The following STX4 variants were observed in gnomAD, a reference collection of about 807,000 sequenced individuals.
The protein encoded by STX4 is syntaxin 4.
In STX4, 24 loss-of-function variants were observed where a neutral mutation model predicts 41.8. The observed-to-expected ratio is 0.57, with a 90% CI of 0.42 to 0.81. The LOEUF (loss-of-function observed/expected upper bound fraction) is 0.81. Ranked by LOEUF, STX4 falls within the 30% of genes least tolerant of loss-of-function variation. STX4 has a pLI of 0.00. For synonymous variants in STX4, 158 were observed against 156.4 expected (o/e 1.01, Z -0.08); for missense variants, 316 against 389.9 (o/e 0.81, Z 1.60).
Position 31,033,609 on chromosome 16 carries a change from G to A in STX4, c.-197G>A. The A allele has an allele frequency of 6.7e-7, 1 of 1,497,450 alleles. No homozygotes were observed. The highest frequency in any genetic ancestry group is 1.3e-5 in the South Asian group (1 of 76,686). 92.8% of individuals were successfully genotyped at this position (1,497,450 alleles called of 1,614,324 possible). On this transcript the variant is annotated 5_prime_UTR_variant, in exon 1 of 11. Coordinates refer to ENST00000313843, the MANE Select transcript of STX4 (RefSeq NM_004604.5). The surrounding 1 kb of genome is among the most constrained non-coding windows in gnomAD (Gnocchi z 5.5). The stretch of plus-strand genomic sequence containing the variant: ...GAAGAAAAGGGAATTCCAACCTGTG[G>A]AACCTTGGGGGGTCCCCGGGGTCGG...
rs749918866 is a variant in STX4, at chr16:31,034,469, G to T, written c.240G>T (p.Lys80Asn). The T allele has an allele frequency of 6.9e-6, 11 of 1,603,404 alleles. No homozygotes were observed. The South Asian group carries it at 1.2e-4, about 18-fold the overall frequency. The stretch of plus-strand genomic sequence containing the variant: ...TGGCCTTCTCTTATTCAGGCATGAA[G>T]CAGGAGCTGCAGAACCTGCGCGATG... ...LATPLPEESM[K>N]QELQNLRDEI... Residue 80 changes from lysine (K) to asparagine (N), a missense_variant, in exon 4 of 11, where the codon AAG becomes AAT. Coordinates refer to ENST00000313843, the MANE Select transcript of STX4 (RefSeq NM_004604.5).
rs2056828989 is a variant in STX4, at chr16:31,039,633, C to G, written c.795C>G (p.Asn265Lys). 1 of 1,614,028 alleles carries G rather than the reference C, an allele frequency of 6.2e-7. No individual in the cohort carries two copies. The highest frequency in any genetic ancestry group is 8.5e-7 in the Non-Finnish European group (1 of 1,180,028). The change falls in exon 9 of 11, where the codon AAC becomes AAG. Residue 265 changes from asparagine (N) to lysine (K), a missense_variant. Asn to Lys is a moderately conservative substitution (Grantham distance 94, BLOSUM62 0). Transcript: ENST00000313843. This position sits in a 1 kb window ranked among gnomAD's most constrained non-coding sequence, Gnocchi z 4.1. ...AGCACGTCAAGACGGCCCTGGAGAA[C>G]CAGAAGAAGGCGAGGAAGGTGAGCC... ...GQEHVKTALE[N>K]QKKARKKKVL... is the part of the protein sequence containing the mutation.
rs146646010 is a variant in STX4, at chr16:31,038,464, G to C, written c.565-46G>C. 8.7e-6 allele frequency: 14 copies of C among 1,606,410 alleles called. No individual in the cohort carries two copies. In the Admixed American group the frequency reaches 2.2e-4, roughly 25 times the overall value. ...GCTCAACAGGAGTTTCTGACCTGCT[G>C]TCGGTCTCCCTGTGAACAGTTGCCC... On this transcript the variant is annotated intron_variant, in intron 7 of 10. Transcript: ENST00000313843.
At chr16:31,038,711 AC>A in intron 8 of STX4, 64 bp downstream of exon 8, 2 of 1,585,714 alleles carry the variant, frequency 1.3e-6, no homozygotes, top group Non-Finnish European at 1.7e-6. Context: ...GCCTCCCGCC[AC>A]CCTTAGATTC....
At position 31,039,237 on chromosome 16, in the gene STX4, T is replaced by C; in HGVS notation, c.703-304T>C. On this transcript the variant is annotated intron_variant, in intron 8 of 10. Transcript: ENST00000313843. The surrounding 1 kb of genome is among the most constrained non-coding windows in gnomAD (Gnocchi z 4.1). Reference sequence around the variant, plus strand: ...AGATAGGCCTGGAAGAATGGGTAAATTCAGACAGATTTGTGAAGGCACAGT... The same window carrying C: ...AGATAGGCCTGGAAGAATGGGTAAACTCAGACAGATTTGTGAAGGCACAGT... 1 of 355,970 alleles carries C rather than the reference T, an allele frequency of 2.8e-6. No homozygotes were observed. The highest frequency in any genetic ancestry group is 5.3e-6 in the Non-Finnish European group (1 of 190,408). 22.1% of individuals were successfully genotyped at this position (355,970 alleles called of 1,614,324 possible).
In STX4 at chr16:31,037,985, C is replaced by G. The variant is rs111395660; in HGVS notation, c.438C>G (p.Ser146=). ...ELINKCNSMQ[S]EYREKNVERI... is the part of the protein sequence containing the mutation. ...TCAACAAGTGCAATTCAATGCAGTC[C>G]GAATACCGGGAGAAGAACGTGGAGC... Residue 146 remains serine, a synonymous_variant, in exon 6 of 11, where the codon TCC becomes TCG. Transcript: ENST00000313843. 4.8e-5 allele frequency: 78 copies of G among 1,614,094 alleles called. 1 individual carries two copies. Among genetic ancestry groups the G allele is most frequent in the African/African-American group, 4.5e-4 (34 of 75,012 alleles).
upstream of STX4, chr16:31,033,337 G>A (rs1184724086): frequency 4.3e-5 from 34 of 787,176 alleles, no homozygotes; most frequent in Non-Finnish European, 6.9e-5. The surrounding 1 kb of genome is among the most constrained non-coding windows in gnomAD (Gnocchi z 5.5). Flanking sequence ...TGTGAGATGC[G>A]GGTGTCTCGG....
rs1489288806 is a variant in STX4, at chr16:31,033,737, C to G, written c.-69C>G. On this transcript the variant is annotated 5_prime_UTR_variant, in exon 1 of 11. Transcript: ENST00000313843. This position sits in a 1 kb window ranked among gnomAD's most constrained non-coding sequence, Gnocchi z 5.5. ...AGGGAGGGGAGTGTCAGAGTGTGAGCGGGGTACGGGAATTCCAAATTTGAG... is the reference window on the plus strand; with the variant it reads ...AGGGAGGGGAGTGTCAGAGTGTGAGGGGGGTACGGGAATTCCAAATTTGAG... 6.9e-7 allele frequency: 1 copy of G among 1,449,796 alleles called. No homozygotes were observed. Among genetic ancestry groups the G allele is most frequent in the African/African-American group, 1.4e-5 (1 of 69,496 alleles). The allele number at this position is 1,449,796 out of a possible 1,614,324, so 89.8% of individuals were successfully genotyped here. A position where few individuals can be genotyped will look rare whatever the true frequency, so the allele number is the denominator to read the frequency against.
At chr16:31,036,776 T>G (rs2056802193) in intron 5 of STX4, among the ~76,000 whole-genome samples, 1 of 152,122 alleles carries the variant, frequency 6.6e-6, no homozygotes, top group Non-Finnish European at 1.5e-5. Flanking sequence ...TTAAAGGTGT[T>G]TGCTGGGAAT....
intron 5 of STX4, among the ~76,000 whole-genome samples, chr16:31,036,090 A>G (rs890060218): frequency 2.0e-5 from 3 of 151,840 alleles, no homozygotes; most frequent in Non-Finnish European, 2.9e-5. Flanking sequence ...CTGGGGTGAT[A>G]TCTTAGTAAG....
upstream of STX4, chr16:31,033,337 G>C: frequency 1.3e-6 from 1 of 787,294 alleles, no homozygotes. The surrounding 1 kb of genome is among the most constrained non-coding windows in gnomAD (Gnocchi z 5.5). Context: ...TGTGAGATGC[G>C]GGTGTCTCGG....
upstream of STX4, chr16:31,033,437 G>A (rs757237247): frequency 2.6e-6 from 4 of 1,519,270 alleles, no homozygotes; most frequent in Non-Finnish European, 3.6e-6. The surrounding 1 kb of genome is among the most constrained non-coding windows in gnomAD (Gnocchi z 5.5). Flanking sequence ...GCAAGTTCTC[G>A]CGTCCAGGCA....
Position 31,034,083 on chromosome 16 carries a change from T to C in STX4, c.101T>C (p.Leu34Pro), listed in dbSNP as rs1333479757. 5 of 1,610,120 alleles carry C rather than the reference T, an allele frequency of 3.1e-6. No individual in the cohort carries two copies. Among genetic ancestry groups the C allele is most frequent in the Non-Finnish European group, 4.2e-6 (5 of 1,177,486 alleles). Reference sequence around the variant, plus strand: ...GTGGTGCACCCGGGCACGGCACGGCTGGGGAGCCCGGACGAGGAGTTCTTC... The same window carrying C: ...GTGGTGCACCCGGGCACGGCACGGCCGGGGAGCCCGGACGAGGAGTTCTTC... ...ALVVHPGTARLGSPDEEFFHK... is the reference protein window; with the variant it reads ...ALVVHPGTARPGSPDEEFFHK... The change falls in exon 2 of 11, where the codon CTG becomes CCG. Residue 34 changes from leucine (L) to proline (P), a missense_variant. Transcript: ENST00000313843.
chr16:31,034,859 A>G, intron 4 of STX4, 111 bp from the exon 5 acceptor site: 1 of 1,026,700 alleles, frequency 9.7e-7, no homozygotes. Flanking sequence ...AAGAAAAATA[A>G]ACTTACTTTC....
rs748504322 is a variant in STX4, at chr16:31,039,539, A to C, written c.703-2A>C. 3 of 1,613,736 alleles carry C rather than the reference A, an allele frequency of 1.9e-6. No homozygotes were observed. Among genetic ancestry groups the C allele is most frequent in the Admixed American group, 3.3e-5 (2 of 59,974 alleles). ...CCCTGAACCACCCCATCCTCTGAGC[A>C]GGGGGAGATGATCAATCGGATTGAG... On this transcript the variant is annotated splice_acceptor_variant, in intron 8 of 10. Transcript: ENST00000313843. LOFTEE classifies it high-confidence loss of function. The surrounding 1 kb of genome is among the most constrained non-coding windows in gnomAD (Gnocchi z 4.1).
At chr16:31,038,756 C>G in intron 8 of STX4, 109 bp downstream of exon 8, 1 of 1,413,796 alleles carries the variant, frequency 7.1e-7, no homozygotes, top group Non-Finnish European at 9.6e-7. Flanking sequence ...CCAGGTTTGG[C>G]CATGCCCCCA....
In STX4 at chr16:31,034,864, A is replaced by C. The variant is rs2056787542; in HGVS notation, c.308-106A>C. 4 of 1,059,464 alleles carry C rather than the reference A, an allele frequency of 3.8e-6. No individual in the cohort carries two copies. In the South Asian group the frequency reaches 7.3e-5, roughly 19 times the overall value. The allele number at this position is 1,059,464 out of a possible 1,614,324, so 65.6% of individuals were successfully genotyped here. The stretch of plus-strand genomic sequence containing the variant: ...ATGTAATGCAAAGAAAAATAAACTT[A>C]CTTTCTCCTCTTAGAGGCTCAGCCT... On this transcript the variant is annotated intron_variant, in intron 4 of 10. Transcript: ENST00000313843.
At chr16:31,034,416 T>G in intron 3 of STX4, 46 bp from the exon 4 acceptor site, 2 of 1,602,970 alleles carry the variant, frequency 1.2e-6, no homozygotes, top group Non-Finnish European at 1.7e-6. Flanking sequence ...AGTGGTTTGT[T>G]GAGGTGGGGG....
At chr16:31,036,664 AAG>A (rs935343642) in intron 5 of STX4, among the ~76,000 whole-genome samples, 22 of 152,186 alleles carry the variant, frequency 1.4e-4, no homozygotes, top group Non-Finnish European at 1.5e-5. Context: ...TTAAGGAAAA[AAG>A]AGCAGGGGAA....
Sources: gnomAD v4.1 joint callset for allele counts (sites outside exome capture counted in the v4.1 genomes callset) on GRCh38, gnomAD v4.1.1 for gene constraint, Gnocchi (gnomAD v3.1) non-coding constraint, MANE v1.5 for transcripts, NCBI Gene and HGNC (gene_info 2026-07-23, HGNC 2026-07-21) for gene names.